NACA: variants seen among roughly 807,000 people sequenced by gnomAD.
NACA encodes the protein nascent polypeptide-associated complex subunit alpha.
NACA carries 42 observed loss-of-function variants against 86.4 expected under a neutral mutation model. That is an observed-to-expected ratio of 0.49 (90% CI 0.38 to 0.63). NACA has a LOEUF of 0.63. Ranked by LOEUF, NACA falls within the 20% of genes least tolerant of loss-of-function variation. The pLI is 0.00. For missense variants in NACA, 2,157 were observed against 2,483.6 expected (o/e 0.87, Z 2.80); for synonymous variants, 898 against 973.7 (o/e 0.92, Z 1.45).
Position 56,719,510 on chromosome 12 carries a change from T to C in NACA, c.2020A>G (p.Ser674Gly). 1 of 1,613,934 alleles carries C rather than the reference T, an allele frequency of 6.2e-7. No homozygotes were observed. The highest frequency in any genetic ancestry group is 1.1e-5 in the South Asian group (1 of 91,078). The change falls in exon 3 of 9, where the codon AGC (serine) becomes GGC (glycine). Residue 674 changes from serine to glycine, a missense_variant. By Grantham distance (56) the Ser-to-Gly change is moderately conservative (BLOSUM62 0). This residue lies in a region of NACA where 947 missense variants were observed against 917.9 expected (regional missense o/e 1.03). Transcript: ENST00000454682. ...GAGACAGTTCCTTCTAGAAAAGGGCTGGCTGTAGTTGTATAAGTTGAGGTA... is the reference window on the plus strand; with the variant it reads ...GAGACAGTTCCTTCTAGAAAAGGGCCGGCTGTAGTTGTATAAGTTGAGGTA... Reference protein sequence around the residue: ...KGTSTYTTTASPFLEGTVSLA... With the variant: ...KGTSTYTTTAGPFLEGTVSLA...
At chr12:56,722,902 A>C (rs372706535) in intron 2 of NACA, among the ~76,000 whole-genome samples, 2 of 147,438 alleles carry the variant, frequency 1.4e-5, no homozygotes, top group Admixed American at 6.8e-5. Flanking sequence ...GGCGGGGGGG[A>C]AGCCCGTGGT....
Position 56,718,859 on chromosome 12 carries a change from C to T in NACA, c.2671G>A (p.Val891Met). ...PPKETPTPSV[V>M]NLPFPKEGPA... Reference sequence around the variant, plus strand: ...CCCTCTTTGGGGAAGGGCAGATTCACCACTGAAGGAGTGGGGGTCTCTTTG... The same window carrying T: ...CCCTCTTTGGGGAAGGGCAGATTCATCACTGAAGGAGTGGGGGTCTCTTTG... The change falls in exon 3 of 9, where the codon GTG becomes ATG. Residue 891 changes from valine to methionine, a missense_variant. This residue lies in a region of NACA where 174 missense variants were observed against 217.0 expected (regional missense o/e 0.80). Coordinates refer to ENST00000454682, the MANE Select transcript of NACA (RefSeq NM_001365896.1). 1 of 1,421,350 alleles carries T rather than the reference C, an allele frequency of 7.0e-7. No individual in the cohort carries two copies. Among genetic ancestry groups the T allele is most frequent in the Non-Finnish European group, 9.4e-7 (1 of 1,061,436 alleles). 88.0% of individuals were successfully genotyped at this position (1,421,350 alleles called of 1,614,324 possible). A position where few individuals can be genotyped will look rare whatever the true frequency, so the allele number is the denominator to read the frequency against.
chr12:56,713,216 T>C lies in NACA; in HGVS notation c.5971-26A>G, dbSNP rs762595843. 153 of 1,611,468 alleles carry C rather than the reference T, an allele frequency of 9.5e-5. 1 individual carries two copies. The highest frequency in any genetic ancestry group is 1.2e-4 in the Non-Finnish European group (141 of 1,178,462). On this transcript the variant is annotated intron_variant, in intron 6 of 8. Transcript: ENST00000454682. ...CTACAGGGTAGAAAATACAGATCCA[T>C]GTGAGTAGATTAGCAGTCTTTGAAA...
chr12:56,716,160 G>C lies in NACA; in HGVS notation c.5370C>G (p.Val1790=), dbSNP rs2137806624. ...KVLPKPESAS[V]SAAPSPPVSL... ...AGACTGGTGGGGAGGGTGCTGCAGA[G>C]ACAGATGCTGATTCAGGTTTAGGAA... The change falls in exon 3 of 9, where the codon GTC becomes GTG. Residue 1790 remains valine (V), a synonymous_variant. Coordinates refer to ENST00000454682, the MANE Select transcript of NACA (RefSeq NM_001365896.1). The C allele has an allele frequency of 6.2e-7, 1 of 1,613,588 alleles. No homozygotes were observed. The highest frequency in any genetic ancestry group is 8.5e-7 in the Non-Finnish European group (1 of 1,179,816).
In NACA at chr12:56,717,639, T is replaced by C; in HGVS notation, c.3891A>G (p.Pro1297=). 8.3e-7 allele frequency: 1 copy of C among 1,202,358 alleles called. No individual in the cohort carries two copies. Among genetic ancestry groups the C allele is most frequent in the Non-Finnish European group, 1.1e-6 (1 of 951,132 alleles). 74.5% of individuals were successfully genotyped at this position (1,202,358 alleles called of 1,614,324 possible). The change falls in exon 3 of 9, where the codon CCA becomes CCG. Residue 1297 remains proline (P), a synonymous_variant. Transcript: ENST00000454682. ...PNPAVVTPPS[P]KGGPATSPPK... Reference sequence around the variant, plus strand: ...GGGGTGAGGTAGCTGGGCCTCCTTTTGGAGAGGGAGGAGTTACAACTGCGG... The same window carrying C: ...GGGGTGAGGTAGCTGGGCCTCCTTTCGGAGAGGGAGGAGTTACAACTGCGG...
chr12:56,716,431 G>A lies in NACA; in HGVS notation c.5099C>T (p.Thr1700Ile), dbSNP rs369043787. Residue 1700 changes from threonine to isoleucine, a missense_variant, in exon 3 of 9, where the codon ACT (threonine) becomes ATT (isoleucine). Around this residue, in one of 8 missense-constraint regions of NACA, gnomAD observed 797 missense variants for 777.6 expected, o/e 1.02. Coordinates refer to ENST00000454682, the MANE Select transcript of NACA (RefSeq NM_001365896.1). ...CTTTTTGGTCTGTGGACCTTTCCGAGTGGGAGCTGTGATGATTGGCGTGCT... is the reference window on the plus strand; with the variant it reads ...CTTTTTGGTCTGTGGACCTTTCCGAATGGGAGCTGTGATGATTGGCGTGCT... ...PESTPIITAP[T>I]RKGPQTKKSS... 403 of 1,588,240 alleles carry A rather than the reference G, an allele frequency of 2.5e-4. 1 individual carries two copies. The Middle Eastern group carries it at 4.0e-3, about 16-fold the overall frequency.
chr12:56,718,145 G>T lies in NACA; in HGVS notation c.3385C>A (p.Pro1129Thr). The T allele has an allele frequency of 3.4e-6, 2 of 580,294 alleles. No individual in the cohort carries two copies. The highest frequency in any genetic ancestry group is 7.8e-5 in the Admixed American group (1 of 12,792). 35.9% of individuals were successfully genotyped at this position (580,294 alleles called of 1,614,324 possible). A position where few individuals can be genotyped will look rare whatever the true frequency, so the allele number is the denominator to read the frequency against. ...TTTGGGGAGGGAGGAGTTGCAGCTGGGGTTGTGGGTGCCCCTTTGTGGGGT... is the reference window on the plus strand; with the variant it reads ...TTTGGGGAGGGAGGAGTTGCAGCTGTGGTTGTGGGTGCCCCTTTGTGGGGT... ...TPPHKGAPTT[P>T]AATPPSPKGG... The change falls in exon 3 of 9, where the codon CCA (proline) becomes ACA (threonine). Residue 1129 changes from proline (P) to threonine (T), a missense_variant. Coordinates refer to ENST00000454682, the MANE Select transcript of NACA (RefSeq NM_001365896.1).
Position 56,718,940 on chromosome 12 carries a change from C to A in NACA, c.2590G>T (p.Ala864Ser), listed in dbSNP as rs1296527916. ...HSPTPPSPKG[A>S]PTPSAVTPLS... ...GGAGTCACAGCTGAGGGAGTAGGGG[C>A]CCCTTTGGGGGATGGAGGAGTGGGA... The change falls in exon 3 of 9, where the codon GCC becomes TCC. Residue 864 changes from alanine (A) to serine (S), a missense_variant. Physicochemically the swap from Ala to Ser is moderately conservative, Grantham distance 99. This residue lies in a region of NACA where 174 missense variants were observed against 217.0 expected (regional missense o/e 0.80). Transcript: ENST00000454682. The A allele has an allele frequency of 1.4e-6, 2 of 1,443,700 alleles. No homozygotes were observed. The highest frequency in any genetic ancestry group is 1.8e-5 in the Admixed American group (1 of 54,504). The allele number at this position is 1,443,700 out of a possible 1,614,324, so 89.4% of individuals were successfully genotyped here. A position where few individuals can be genotyped will look rare whatever the true frequency, so the allele number is the denominator to read the frequency against.
At chr12:56,723,893 A>G (rs1953640595) in intron 2 of NACA, among the ~76,000 whole-genome samples, 1 of 152,222 alleles carries the variant, frequency 6.6e-6, no homozygotes, top group African/African-American at 2.4e-5. Flanking sequence ...GTTTCACACA[A>G]TGATGCAGGA....
At position 56,717,426 on chromosome 12, in the gene NACA, G is replaced by A; in HGVS notation, c.4104C>T (p.Gly1368=). 1 of 1,381,558 alleles carries A rather than the reference G, an allele frequency of 7.2e-7. No homozygotes were observed. Among genetic ancestry groups the A allele is most frequent in the Non-Finnish European group, 9.6e-7 (1 of 1,042,864 alleles). 85.6% of individuals were successfully genotyped at this position (1,381,558 alleles called of 1,614,324 possible). A position where few individuals can be genotyped will look rare whatever the true frequency, so the allele number is the denominator to read the frequency against. The change falls in exon 3 of 9, where the codon GGC becomes GGT. Residue 1368 remains glycine (G), a synonymous_variant. Transcript: ENST00000454682. ...GGPTTPSSKE[G]PTPPAATPSH... ...AGGGGGTTGCAGCTGGGGGAGTGGG[G>A]CCCTCTTTGGAGGATGGAGTAGTTG...
Position 56,714,598 on chromosome 12 carries a change from C to T in NACA, c.5745+4G>A. The T allele has an allele frequency of 6.2e-7, 1 of 1,614,038 alleles. No individual in the cohort carries two copies. The highest frequency in any genetic ancestry group is 1.1e-5 in the South Asian group (1 of 91,080). Reference sequence around the variant, plus strand: ...CCAATACCAGTTAGTAAGAGAATACCCACCTGGGCTTGTTGTGTGGTTGCC... The same window carrying T: ...CCAATACCAGTTAGTAAGAGAATACTCACCTGGGCTTGTTGTGTGGTTGCC... On this transcript the variant is annotated splice_donor_region_variant and intron_variant, in intron 4 of 8. Coordinates refer to ENST00000454682, the MANE Select transcript of NACA (RefSeq NM_001365896.1).
At position 56,716,038 on chromosome 12, in the gene NACA, GGTT is replaced by G; in HGVS notation, c.5489_5491del (p.Lys1830_Pro1831delinsThr). The G allele has an allele frequency of 6.2e-7, 1 of 1,609,060 alleles. No homozygotes were observed. Among genetic ancestry groups the G allele is most frequent in the South Asian group, 1.1e-5 (1 of 90,620 alleles). ...CTCATCCTCATCAGCAGGGGCAAGG[GGTT>G]TAGAGGGTGATTCCAACACCAGCCC... On this transcript the variant is annotated inframe_deletion, in exon 3 of 9. Coordinates refer to ENST00000454682, the MANE Select transcript of NACA (RefSeq NM_001365896.1).
At chr12:56,714,264 C>A in intron 5 of NACA, 98 bp downstream of exon 5, 2 of 1,325,900 alleles carry the variant, frequency 1.5e-6, no homozygotes, top group Non-Finnish European at 2.1e-6. Flanking sequence ...ACTTGTATAA[C>A]CAAAATACCA....
Position 56,716,831 on chromosome 12 carries a change from G to T in NACA, c.4699C>A (p.Pro1567Thr), listed in dbSNP as rs1953383388. The T allele has an allele frequency of 1.5e-6, 2 of 1,328,638 alleles. No individual in the cohort carries two copies. Among genetic ancestry groups the T allele is most frequent in the African/African-American group, 1.5e-5 (1 of 66,910 alleles). 82.3% of individuals were successfully genotyped at this position (1,328,638 alleles called of 1,614,324 possible). ...GATGGGGTAGCTGGGGCTTCTTTGG[G>T]GGTTGGAATTGCTGGGGTCTTTTTA... ...SPKKTPAIPTPKEAPATPSSK... is the reference protein window; with the variant it reads ...SPKKTPAIPTTKEAPATPSSK... Residue 1567 changes from proline to threonine, a missense_variant, in exon 3 of 9, where the codon CCC becomes ACC. By Grantham distance (38) the Pro-to-Thr change is conservative. Coordinates refer to ENST00000454682, the MANE Select transcript of NACA (RefSeq NM_001365896.1).
intron 6 of NACA, 167 bp downstream of exon 6, chr12:56,713,370 G>T (rs1078604): frequency 0.063 from 74,961 of 1,182,146 alleles, 2,720 homozygotes; most frequent in African/African-American, 0.099. Context: ...TCAACTAGGG[G>T]GTAGTTAGGT....
Position 56,720,046 on chromosome 12 carries a change from G to T in NACA, c.1484C>A (p.Thr495Asn). The T allele has an allele frequency of 6.2e-7, 1 of 1,613,974 alleles. No homozygotes were observed. The highest frequency in any genetic ancestry group is 8.5e-7 in the Non-Finnish European group (1 of 1,179,870). ...TATCCTCAGAGTGGTTGCTACTTGA[G>T]TAGAAGGCTCTTTGGGAGCCACAGG... Reference protein sequence around the residue: ...MAPVAPKEPSTQVATTLRIPV... With the variant: ...MAPVAPKEPSNQVATTLRIPV... The change falls in exon 3 of 9, where the codon ACT becomes AAT. Residue 495 changes from threonine (T) to asparagine (N), a missense_variant. Transcript: ENST00000454682.
rs781443338 is a variant in NACA at position 56,716,899 on chromosome 12, G to A, written c.4631C>T (p.Pro1544Leu). 3.0e-6 allele frequency: 4 copies of A among 1,319,348 alleles called. No individual in the cohort carries two copies. The highest frequency in any genetic ancestry group is 3.9e-6 in the Non-Finnish European group (4 of 1,014,226). The allele number at this position is 1,319,348 out of a possible 1,614,324, so 81.7% of individuals were successfully genotyped here. A position where few individuals can be genotyped will look rare whatever the true frequency, so the allele number is the denominator to read the frequency against. The stretch of plus-strand genomic sequence containing the variant: ...AGCTGGGGGAATGAGGGCCTCTTTG[G>A]GGGCTAGAGTTGCTGGGGTCTTTTT... ...LSKKTPATLA[P>L]KEALIPPAMT... The change falls in exon 3 of 9, where the codon CCC becomes CTC. Residue 1544 changes from proline (P) to leucine (L), a missense_variant. Transcript: ENST00000454682.
chr12:56,720,901 CTGACTATA>C lies in NACA; in HGVS notation c.621_628del (p.Cys207TrpfsTer62). 5.6e-6 allele frequency: 9 copies of C among 1,613,956 alleles called. No individual in the cohort carries two copies. Among genetic ancestry groups the C allele is most frequent in the Non-Finnish European group, 7.6e-6 (9 of 1,179,878 alleles). ...AGTCACACAGTGGTAAGGAACAGTA[CTGACTATA>C]CATGGAGGGCTGGGGGTGCCTTTTG... On this transcript the variant is annotated frameshift_variant, in exon 3 of 9. Transcript: ENST00000454682. LOFTEE classifies it high-confidence loss of function.
rs1953468758 is a variant in NACA at position 56,718,550 on chromosome 12, G to A, written c.2980C>T (p.Pro994Ser). The A allele has an allele frequency of 7.7e-7, 1 of 1,303,148 alleles. No individual in the cohort carries two copies. Among genetic ancestry groups the A allele is most frequent in the South Asian group, 1.4e-5 (1 of 69,436 alleles). The allele number at this position is 1,303,148 out of a possible 1,614,324, so 80.7% of individuals were successfully genotyped here. The change falls in exon 3 of 9, where the codon CCC becomes TCC. Residue 994 changes from proline (P) to serine (S), a missense_variant. This residue lies in a region of NACA where 124 missense variants were observed against 186.5 expected (regional missense o/e 0.66). Transcript: ENST00000454682. ...GTAGCTGGACCTCCTTTGGGGGAGGGAGGAGTTGCAGCTGGGGGTGTGGGG... is the reference window on the plus strand; with the variant it reads ...GTAGCTGGACCTCCTTTGGGGGAGGAAGGAGTTGCAGCTGGGGGTGTGGGG... ...GAPTPPAATP[P>S]SPKGGPATPS... is the part of the protein sequence containing the mutation.
Sources: gnomAD v4.1 joint callset for allele counts (sites outside exome capture counted in the v4.1 genomes callset) on GRCh38, gnomAD v4.1.1 for gene constraint, gnomAD v4.1.1 regional missense constraint, MANE v1.5 for transcripts, NCBI Gene and HGNC (gene_info 2026-07-23, HGNC 2026-07-21) for gene names.